The following GLOD5 variants were observed in gnomAD, a reference collection of about 807,000 sequenced individuals.
The protein encoded by GLOD5 is glyoxalase domain-containing protein 5.
GLOD5 carries 7 observed loss-of-function variants against 9.9 expected under a neutral mutation model. The observed-to-expected ratio is 0.71, with a 90% CI of 0.40 to 1.33. The LOEUF (loss-of-function observed/expected upper bound fraction) is 1.33, where lower values mean the gene tolerates loss of function less well. Ranked by LOEUF, GLOD5 falls within the 40% of genes most tolerant of loss-of-function variation. The pLI is 0.01. For synonymous variants in GLOD5, 49 were observed against 47.3 expected (o/e 1.04, Z -0.14); for missense variants, 146 against 128.4 (o/e 1.14, Z -0.66).
chrX:48,769,218 T>G (rs1352792447), intron 2 of GLOD5, among the ~76,000 whole-genome samples: 2 of 103,377 alleles, frequency 1.9e-5, no homozygotes, highest in Non-Finnish European at 4.0e-5. Context: ...AAAAATAAAC[T>G]TGCAGCCAAG....
chrX:48,762,544 TTC>T (rs1470032822), intron 1 of GLOD5, among the ~76,000 whole-genome samples: 1 of 106,681 alleles, frequency 9.4e-6, no homozygotes, highest in Non-Finnish European at 1.9e-5. Flanking sequence ...GTTCAAGCGA[TTC>T]TCCTGCCTCA....
chrX:48,767,243 A>C (rs192022557), intron 2 of GLOD5, among the ~76,000 whole-genome samples: 1 of 110,499 alleles, frequency 9.0e-6, no homozygotes, highest in African/African-American at 3.3e-5. Context: ...AGAAAGCAAA[A>C]AATGCCTTAC....
At position 48,773,638 on chromosome X, in the gene GLOD5, C is replaced by G. The variant is rs781974798; in HGVS notation, c.*203C>G. The G allele has an allele frequency of 7.3e-6, 3 of 413,615 alleles. No individual in the cohort carries two copies. The highest frequency in any genetic ancestry group is 3.8e-5 in the South Asian group (1 of 26,302). 34.1% of individuals were successfully genotyped at this position (413,615 alleles called of 1,213,427 possible). A position where few individuals can be genotyped will look rare whatever the true frequency, so the allele number is the denominator to read the frequency against. On this transcript the variant is annotated 3_prime_UTR_variant, in exon 4 of 4. Transcript: ENST00000303227. ...AAAGTTGGCCTAATAAATGCATAAC[C>G]TCTCAATGAATACGGGGTCTTCGTT...
intron 2 of GLOD5, chrX:48,766,188 T>G: frequency 2.7e-6 from 1 of 372,029 alleles, no homozygotes; most frequent in Non-Finnish European, 4.7e-6. Context: ...GCAAGATAAC[T>G]TTGCAGTCTC....
Position 48,761,836 on chromosome X carries a change from A to G in GLOD5, c.46A>G (p.Arg16Gly). Residue 16 changes from arginine (R) to glycine (G), a missense_variant, in exon 1 of 4, where the codon AGG becomes GGG. Arg to Gly is a moderately radical substitution (Grantham distance 125). Transcript: ENST00000303227. ...PSRLPVKMWGRTLEKQSWRDS... is the reference protein window; with the variant it reads ...PSRLPVKMWGGTLEKQSWRDS... ...CAGGCTGCCAGTCAAGATGTGGGGC[A>G]GGACTTTGGAGAAACAGGTGAACAA... 7.7e-6 allele frequency: 9 copies of G among 1,165,098 alleles called. No individual in the cohort carries two copies. The highest frequency in any genetic ancestry group is 1.0e-5 in the Non-Finnish European group (9 of 870,802).
intron 2 of GLOD5, among the ~76,000 whole-genome samples, chrX:48,769,952 C>T (rs1313108317): frequency 5.2e-5 from 5 of 96,744 alleles, no homozygotes; most frequent in Admixed American, 3.6e-4. Flanking sequence ...GAAGGCTGGG[C>T]GACAGAGCAA....
intron 1 of GLOD5, among the ~76,000 whole-genome samples, chrX:48,763,083 T>C (rs934966493): frequency 1.8e-5 from 2 of 111,960 alleles, no homozygotes; most frequent in Non-Finnish European, 3.8e-5. Context: ...TCTATAGTTC[T>C]AAATGCACAG....
At chrX:48,768,481 T>C (rs2062614416) in intron 2 of GLOD5, among the ~76,000 whole-genome samples, 1 of 111,971 alleles carries the variant, frequency 8.9e-6, no homozygotes, top group Non-Finnish European at 1.9e-5. Context: ...ACGAGGTGTA[T>C]GATGCCTCAA....
intron 1 of GLOD5, 122 bp downstream of exon 1, chrX:48,761,975 G>T: frequency 1.9e-6 from 1 of 539,800 alleles, no homozygotes; most frequent in Non-Finnish European, 3.1e-6. Context: ...TTCTCTTTCA[G>T]AGACAAGCAG....
intron 1 of GLOD5, among the ~76,000 whole-genome samples, chrX:48,763,680 A>C (rs1215155296): frequency 8.9e-6 from 1 of 112,248 alleles, no homozygotes; most frequent in Non-Finnish European, 1.9e-5. Flanking sequence ...GCAACAAAGC[A>C]AGACCCTGTC....
intron 3 of GLOD5, among the ~76,000 whole-genome samples, chrX:48,772,307 G>C (rs1444001436): frequency 1.9e-4 from 21 of 110,334 alleles, no homozygotes; most frequent in Admixed American, 1.9e-3. Context: ...AGGCCAAGGA[G>C]GGAGGATCAC....
chrX:48,773,282 C>A (rs782624399), intron 3 of GLOD5, 28 bp from the exon 4 acceptor site: 1 of 1,207,854 alleles, frequency 8.3e-7, no homozygotes, highest in Admixed American at 2.2e-5. Flanking sequence ...TTTTGACGAA[C>A]GACTTTTGTC....
At chrX:48,767,401 T>C (rs1187016202) in intron 2 of GLOD5, among the ~76,000 whole-genome samples, 2 of 111,193 alleles carry the variant, frequency 1.8e-5, no homozygotes, top group African/African-American at 6.5e-5. Flanking sequence ...CCGAGGCGGG[T>C]GGATCACCTG....
At chrX:48,766,985 C>CAAAAAAAAAAA (rs782648787) in intron 2 of GLOD5, among the ~76,000 whole-genome samples, 426 of 3,020 alleles carry the variant, frequency 0.14, 165 homozygotes, top group Non-Finnish European at 0.2. Context: ...GATTCCATCT[C>CAAAAAAAAAAA]AAAAAAAAAA....
At chrX:48,765,659 G>T in intron 1 of GLOD5, 176 bp from the exon 2 acceptor site, 2 of 506,963 alleles carry the variant, frequency 3.9e-6, no homozygotes, top group East Asian at 7.9e-5. Context: ...GGGCTCTCAT[G>T]AATCCACACA....
intron 1 of GLOD5, among the ~76,000 whole-genome samples, chrX:48,763,806 G>C (rs1031841087): frequency 1.8e-5 from 2 of 112,540 alleles, no homozygotes; most frequent in Non-Finnish European, 3.8e-5. Context: ...TGTCCATGTG[G>C]ATCTTTTGTA....
At chrX:48,767,398 G>A (rs1430924057) in intron 2 of GLOD5, among the ~76,000 whole-genome samples, 1 of 112,014 alleles carries the variant, frequency 8.9e-6, no homozygotes, top group African/African-American at 3.2e-5. Flanking sequence ...AGGCCGAGGC[G>A]GGTGGATCAC....
chrX:48,772,821 C>T (rs2147297194), intron 3 of GLOD5, among the ~76,000 whole-genome samples: 1 of 110,475 alleles, frequency 9.1e-6, no homozygotes, highest in East Asian at 2.8e-4. Flanking sequence ...TAGTTAGGTA[C>T]TGTGCCCAAG....
At chrX:48,765,571 C>CT in intron 1 of GLOD5, 1 of 286,160 alleles carries the variant, frequency 3.5e-6, no homozygotes, top group Non-Finnish European at 6.2e-6. Flanking sequence ...GAGTGAGACT[C>CT]TGTCTCAAAA....
Sources: allele counts gnomAD v4.1 joint callset (sites outside exome capture counted in the v4.1 genomes callset), GRCh38; gene constraint gnomAD v4.1.1; transcripts MANE v1.5; gene names NCBI Gene and HGNC (gene_info 2026-07-23, HGNC 2026-07-21).